The following DOK6 variants were observed in gnomAD, a reference collection of about 807,000 sequenced individuals.
DOK6 encodes docking protein 6, also known as downstream of tyrosine kinase 6.
A neutral mutation model predicts 44.0 loss-of-function variants in DOK6; 22 were observed. The ratio of observed to expected loss-of-function variants is 0.50; its 90% CI spans 0.36 to 0.71. DOK6 has a LOEUF of 0.71. DOK6 is among the 30% of genes least tolerant of loss of function. The probability of loss-of-function intolerance (pLI) is 0.00; values close to 1 mark genes in which losing one functional copy is unlikely to be tolerated. For synonymous variants in DOK6, 166 were observed against 145.5 expected (o/e 1.14, Z -1.01); for missense variants, 340 against 416.4 (o/e 0.82, Z 1.60).
intron 7 of DOK6, among the ~76,000 whole-genome samples, chr18:69,816,775 C>T (rs937925129): frequency 2.6e-5 from 4 of 152,124 alleles, no homozygotes; most frequent in African/African-American, 7.2e-5. Flanking sequence ...ACTTCAGAGC[C>T]GCTGGTGGCG....
At chr18:69,519,845 G>A (rs1252549383) in intron 1 of DOK6, among the ~76,000 whole-genome samples, 1 of 151,774 alleles carries the variant, frequency 6.6e-6, no homozygotes, top group Non-Finnish European at 1.5e-5. Flanking sequence ...ACTCATAACT[G>A]TATTATGCTG....
intron 1 of DOK6, among the ~76,000 whole-genome samples, chr18:69,535,016 G>C (rs1195952863): frequency 6.6e-6 from 1 of 151,850 alleles, no homozygotes; most frequent in African/African-American, 2.4e-5. Flanking sequence ...TTTCTCCTCA[G>C]GCTATATCAA....
intron 7 of DOK6, among the ~76,000 whole-genome samples, chr18:69,824,356 T>A (rs544712735): frequency 8.2e-4 from 120 of 145,534 alleles, no homozygotes; most frequent in Middle Eastern, 3.5e-3. Context: ...AAAAAAAAAA[T>A]TTTTTGAGAC....
At chr18:69,625,660 A>G (rs1420632070) in intron 3 of DOK6, among the ~76,000 whole-genome samples, 3 of 152,216 alleles carry the variant, frequency 2.0e-5, no homozygotes, top group Non-Finnish European at 4.4e-5. Context: ...CAGAAAATAC[A>G]CAAATCATTT....
At chr18:69,758,207 C>T (rs1441826486) in intron 7 of DOK6, among the ~76,000 whole-genome samples, 1 of 152,136 alleles carries the variant, frequency 6.6e-6, no homozygotes, top group Non-Finnish European at 1.5e-5. Context: ...TGAAGGATTT[C>T]TTTTTTCGCA....
intron 7 of DOK6, among the ~76,000 whole-genome samples, chr18:69,795,664 C>G (rs1028163763): frequency 2.6e-5 from 4 of 152,090 alleles, no homozygotes; most frequent in Admixed American, 2.6e-4. Context: ...AAAGGCCAGG[C>G]CCTCTTTTTA....
At chr18:69,827,686 G>A (rs891725629) in intron 7 of DOK6, among the ~76,000 whole-genome samples, 4 of 151,950 alleles carry the variant, frequency 2.6e-5, no homozygotes, top group Non-Finnish European at 5.9e-5. Context: ...ATGAATGCCA[G>A]ATAGTAAATT....
At chr18:69,417,053 A>G (rs902543227) in intron 1 of DOK6, among the ~76,000 whole-genome samples, 6 of 152,164 alleles carry the variant, frequency 3.9e-5, no homozygotes, top group African/African-American at 1.4e-4. Flanking sequence ...CATCACCTCA[A>G]ACAGTTTTCA....
intron 3 of DOK6, among the ~76,000 whole-genome samples, chr18:69,617,561 TAGG>T (rs1371333171): frequency 4.2e-5 from 4 of 95,234 alleles, no homozygotes; most frequent in Admixed American, 1.3e-4. Flanking sequence ...GACTGAGTGA[TAGG>T]AGAAAAAGAA....
intron 1 of DOK6, among the ~76,000 whole-genome samples, chr18:69,545,518 A>C (rs1401932159): frequency 1.5e-5 from 2 of 131,182 alleles, no homozygotes; most frequent in African/African-American, 7.3e-5. Flanking sequence ...TGAAATACCA[A>C]AAAAAAAAAA....
rs143357220 is a variant in DOK6, at chr18:69,841,334, C to T, written c.947C>T (p.Ser316Leu). The T allele has an allele frequency of 9.0e-5, 146 of 1,614,154 alleles. 1 individual carries two copies. The highest frequency in any genetic ancestry group is 8.7e-4 in the East Asian group (39 of 44,870). The stretch of plus-strand genomic sequence containing the variant: ...AGTGAAGAGGCCCAGCAGCCGTTGT[C>T]GCGGTCCAGCAGCTATGGATTCAGC... Reference protein sequence around the residue: ...EQSEEAQQPLSRSSSYGFSYS... With the variant: ...EQSEEAQQPLLRSSSYGFSYS... The change falls in exon 8 of 8, where the codon TCG becomes TTG. Residue 316 changes from serine to leucine, a missense_variant. Coordinates refer to ENST00000382713, the MANE Select transcript of DOK6 (RefSeq NM_152721.6).
At chr18:69,683,699 A>C (rs1248914085) in intron 4 of DOK6, among the ~76,000 whole-genome samples, 1 of 152,152 alleles carries the variant, frequency 6.6e-6, no homozygotes, top group African/African-American at 2.4e-5. Flanking sequence ...CTGATTACAA[A>C]CTTCTAGCCT....
chr18:69,502,625 A>G (rs1981077136), intron 1 of DOK6, among the ~76,000 whole-genome samples: 1 of 152,116 alleles, frequency 6.6e-6, no homozygotes, highest in Non-Finnish European at 1.5e-5. Flanking sequence ...ACTTTAAGCT[A>G]CAATCTAAGG....
chr18:69,410,676 A>G (rs546775477), intron 1 of DOK6, among the ~76,000 whole-genome samples: 1 of 152,206 alleles, frequency 6.6e-6, no homozygotes, highest in Non-Finnish European at 1.5e-5. Flanking sequence ...CTCTTGATAC[A>G]TGACTGATGC....
intron 1 of DOK6, among the ~76,000 whole-genome samples, chr18:69,517,373 AT>A (rs1211077218): frequency 6.6e-6 from 1 of 152,192 alleles, no homozygotes; most frequent in African/African-American, 2.4e-5. Flanking sequence ...TTTTATTCAT[AT>A]TATTAGCTCT....
chr18:69,516,171 T>C (rs962695907), intron 1 of DOK6, among the ~76,000 whole-genome samples: 4 of 152,318 alleles, frequency 2.6e-5, no homozygotes, highest in East Asian at 3.9e-4. Flanking sequence ...CAGGTTGTTT[T>C]ACAAAGTGTG....
chr18:69,498,464 A>G lies in DOK6; in HGVS notation c.67-66023A>G, dbSNP rs117357464. 1.7e-3 allele frequency among the ~76,000 whole-genome samples: 255 copies of G among 152,312 alleles called. 2 individuals are homozygous for G. The East Asian group carries it at 0.024, about 14-fold the overall frequency. ...TTATTTTTTATGCAAATAATTTGAT[A>G]TGATAAGGAATACCAAATGATATTT... is the stretch of plus-strand genomic sequence containing the variant. On this transcript the variant is annotated intron_variant, in intron 1 of 7. Transcript: ENST00000382713.
At chr18:69,695,263 C>A (rs1422944333) in intron 4 of DOK6, among the ~76,000 whole-genome samples, 1 of 152,150 alleles carries the variant, frequency 6.6e-6, no homozygotes, top group African/African-American at 2.4e-5. Flanking sequence ...CCCTATTGTA[C>A]CAGAAATGAT....
chr18:69,712,959 C>T (rs1002788380), intron 5 of DOK6, among the ~76,000 whole-genome samples: 2 of 152,136 alleles, frequency 1.3e-5, no homozygotes, highest in Non-Finnish European at 2.9e-5. Context: ...GGAAAAGATG[C>T]TTGAAAATAT....
Sources: gnomAD v4.1 joint callset for allele counts (sites outside exome capture counted in the v4.1 genomes callset) on GRCh38, gnomAD v4.1.1 for gene constraint, MANE v1.5 for transcripts, NCBI Gene and HGNC (gene_info 2026-07-23, HGNC 2026-07-21) for gene names.